The following LEMD3 variants were observed in gnomAD, a reference collection of about 807,000 sequenced individuals.
LEMD3 encodes the protein LEM domain containing 3.
A neutral mutation model predicts 95.2 loss-of-function variants in LEMD3; 33 were observed. The observed-to-expected ratio is 0.35, with a 90% CI of 0.26 to 0.46. LEMD3 has a LOEUF of 0.46. Among genes scored for constraint, LEMD3 ranks in the 20% least tolerant of loss-of-function variants. LEMD3 has a pLI of 1.00. For synonymous variants in LEMD3, 525 were observed against 474.6 expected, an observed-to-expected ratio of 1.11 and a Z score of -1.38; for missense variants, 1,210 against 1,192.8, an observed-to-expected ratio of 1.01 and a Z score of -0.21.
intron 4 of LEMD3, among the ~76,000 whole-genome samples, chr12:65,230,785 C>G (rs1319974033): frequency 6.6e-6 from 1 of 152,082 alleles, no homozygotes; most frequent in East Asian, 1.9e-4. Flanking sequence ...ACTTCTAATA[C>G]TATGTTAAAT....
chr12:65,243,833 T>C (rs1871007140), intron 10 of LEMD3, among the ~76,000 whole-genome samples: 1 of 152,190 alleles, frequency 6.6e-6, no homozygotes, highest in Admixed American at 6.5e-5. Flanking sequence ...ATAGATACAA[T>C]CACTGCTGCT....
chr12:65,231,311 C>T (rs2047486), intron 4 of LEMD3, among the ~76,000 whole-genome samples: 49,555 of 151,644 alleles, frequency 0.33, 8,224 homozygotes, highest in South Asian at 0.38. Flanking sequence ...GGATTTTTTT[C>T]CCCCAAAAAT....
At chr12:65,222,438 C>T (rs762978043) in intron 4 of LEMD3, among the ~76,000 whole-genome samples, 2 of 152,046 alleles carry the variant, frequency 1.3e-5, no homozygotes, top group Non-Finnish European at 2.9e-5. Context: ...ATGCTGGCCT[C>T]ATAAAATGAG....
intron 1 of LEMD3, among the ~76,000 whole-genome samples, chr12:65,182,868 C>T (rs1280077676): frequency 2.6e-5 from 4 of 152,158 alleles, no homozygotes; most frequent in Admixed American, 2.6e-4. Flanking sequence ...AGAAAGGTGG[C>T]TTGTCACATG....
chr12:65,171,592 T>C (rs1162675155), intron 1 of LEMD3: 2 of 191,316 alleles, frequency 1.0e-5, no homozygotes, highest in Non-Finnish European at 2.2e-5. Flanking sequence ...TCGGATTAAA[T>C]ATTTTGTGGT....
At chr12:65,210,842 C>A in intron 1 of LEMD3, 84 bp from the exon 2 acceptor site, 1 of 1,011,134 alleles carries the variant, frequency 9.9e-7, no homozygotes, top group Non-Finnish European at 1.6e-6. Context: ...TAGCAAAGTA[C>A]ATGCTGGCAT....
intron 1 of LEMD3, among the ~76,000 whole-genome samples, chr12:65,178,008 C>G (rs1177065853): frequency 6.6e-6 from 1 of 151,914 alleles, no homozygotes; most frequent in Non-Finnish European, 1.5e-5. Flanking sequence ...CCACATCTGG[C>G]AAATTTTTTG....
intron 1 of LEMD3, among the ~76,000 whole-genome samples, chr12:65,178,613 AC>A (rs1417496129): frequency 1.3e-5 from 2 of 152,218 alleles, no homozygotes; most frequent in Non-Finnish European, 2.9e-5. Flanking sequence ...ATAATAACTA[AC>A]CCTTACGTAG....
At chr12:65,209,162 G>A (rs915295376) in intron 1 of LEMD3, among the ~76,000 whole-genome samples, 5 of 152,048 alleles carry the variant, frequency 3.3e-5, no homozygotes, top group Non-Finnish European at 4.4e-5. Context: ...TATAACACAC[G>A]CTCCCTGTCT....
chr12:65,216,219 CT>C (rs2136339409), intron 3 of LEMD3, among the ~76,000 whole-genome samples, 176 bp downstream of exon 3: 1 of 151,424 alleles, frequency 6.6e-6, no homozygotes, highest in South Asian at 2.1e-4. Flanking sequence ...TTAATGAAGG[CT>C]TTTTTCCTGC....
At chr12:65,195,612 C>T (rs936725069) in intron 1 of LEMD3, among the ~76,000 whole-genome samples, 8 of 152,054 alleles carry the variant, frequency 5.3e-5, no homozygotes, top group Non-Finnish European at 1.2e-4. Flanking sequence ...ATCTCAAAGG[C>T]ACAGAGCTAA....
intron 1 of LEMD3, among the ~76,000 whole-genome samples, chr12:65,203,028 G>A (rs1049177883): frequency 2.0e-5 from 3 of 151,912 alleles, no homozygotes; most frequent in South Asian, 2.1e-4. Flanking sequence ...TAGATTTCCT[G>A]TTTTTTAATT....
chr12:65,200,447 A>G (rs1869564722), intron 1 of LEMD3, among the ~76,000 whole-genome samples: 1 of 152,194 alleles, frequency 6.6e-6, no homozygotes, highest in African/African-American at 2.4e-5. Context: ...CAAAACACCA[A>G]GAACCAGGAT....
chr12:65,214,188 C>T (rs1353803148), intron 2 of LEMD3, among the ~76,000 whole-genome samples: 2 of 152,096 alleles, frequency 1.3e-5, no homozygotes, highest in Admixed American at 1.3e-4. Flanking sequence ...CCTCAGCCTC[C>T]CAAGTAGCTG....
At chr12:65,222,100 A>G (rs1329751937) in intron 4 of LEMD3, among the ~76,000 whole-genome samples, 3 of 152,128 alleles carry the variant, frequency 2.0e-5, no homozygotes, top group Non-Finnish European at 4.4e-5. Flanking sequence ...GTTTCCATGT[A>G]TGGCCTTTAA....
chr12:65,245,997 C>T, intron 12 of LEMD3, 58 bp downstream of exon 12: 2 of 1,388,792 alleles, frequency 1.4e-6, no homozygotes, highest in South Asian at 1.2e-5. Flanking sequence ...TAATTTTAAA[C>T]TATACCAGAT....
At chr12:65,200,631 G>T (rs917139203) in intron 1 of LEMD3, among the ~76,000 whole-genome samples, 1 of 152,012 alleles carries the variant, frequency 6.6e-6, no homozygotes, top group Non-Finnish European at 1.5e-5. Flanking sequence ...ACTTTCTTTG[G>T]TGAGATGTCT....
At chr12:65,231,593 G>A (rs903647945) in intron 4 of LEMD3, among the ~76,000 whole-genome samples, 2 of 151,960 alleles carry the variant, frequency 1.3e-5, no homozygotes, top group Non-Finnish European at 2.9e-5. Context: ...CCAGCTCCTC[G>A]GGAGGCTGAG....
intron 1 of LEMD3, among the ~76,000 whole-genome samples, chr12:65,194,352 CTG>C (rs1869342590): frequency 6.6e-6 from 1 of 152,106 alleles, no homozygotes; most frequent in Non-Finnish European, 1.5e-5. Context: ...GAATGGGAGA[CTG>C]GAGTTTTATT....
Sources: allele counts gnomAD v4.1 joint callset (sites outside exome capture counted in the v4.1 genomes callset), GRCh38; gene constraint gnomAD v4.1.1; transcripts MANE v1.5; gene names NCBI Gene and HGNC (gene_info 2026-07-23, HGNC 2026-07-21).